The following DNMBP variants were observed in gnomAD, a reference collection of about 807,000 sequenced individuals.
The protein encoded by DNMBP is dynamin-binding protein.
DNMBP carries 87 observed loss-of-function variants against 150.0 expected under a neutral mutation model. The observed-to-expected ratio is 0.58, with a 90% CI of 0.49 to 0.69. The LOEUF (loss-of-function observed/expected upper bound fraction) is 0.69. DNMBP is among the 30% of genes least tolerant of loss of function. The pLI, the probability that DNMBP is intolerant of heterozygous loss-of-function variation, is 0.00. For missense variants in DNMBP, 1,774 were observed against 1,949.0 expected, an observed-to-expected ratio of 0.91 and a Z score of 1.69; for synonymous variants, 711 against 750.4, an observed-to-expected ratio of 0.95 and a Z score of 0.86.
At chr10:99,941,412 A>G (rs2040299306) in intron 4 of DNMBP, among the ~76,000 whole-genome samples, 1 of 152,088 alleles carries the variant, frequency 6.6e-6, no homozygotes, top group South Asian at 2.1e-4. Context: ...TGCAACTCTA[A>G]TCCTTCCAGT....
intron 1 of DNMBP, among the ~76,000 whole-genome samples, chr10:99,989,778 A>C (rs540615024): frequency 4.0e-5 from 6 of 151,890 alleles, no homozygotes; most frequent in Non-Finnish European, 7.4e-5. Flanking sequence ...TCTAGCTCAG[A>C]TCAGCTAAAC....
chr10:100,007,461 C>G (rs1389786963), intron 1 of DNMBP, among the ~76,000 whole-genome samples: 3 of 152,186 alleles, frequency 2.0e-5, no homozygotes, highest in Non-Finnish European at 4.4e-5. Flanking sequence ...TGCCCACCCT[C>G]TCAGCACACA....
chr10:99,989,384 C>G (rs116561044), intron 1 of DNMBP, among the ~76,000 whole-genome samples: 2 of 152,154 alleles, frequency 1.3e-5, no homozygotes, highest in African/African-American at 4.8e-5. Context: ...GCCCCTGGCT[C>G]TTTAGCCTGG....
intron 1 of DNMBP, among the ~76,000 whole-genome samples, chr10:99,986,446 A>G (rs867755159): frequency 4.3e-4 from 65 of 152,212 alleles, no homozygotes; most frequent in African/African-American, 1.5e-3. Flanking sequence ...ATTTGGTGGG[A>G]AATGTGCCAA....
chr10:99,955,295 A>C lies in DNMBP; in HGVS notation c.2179T>G (p.Ser727Ala). 6.2e-7 allele frequency: 1 copy of C among 1,614,050 alleles called. No homozygotes were observed. The highest frequency in any genetic ancestry group is 8.5e-7 in the Non-Finnish European group (1 of 1,179,994). The change falls in exon 4 of 17, where the codon TCA becomes GCA. Residue 727 changes from serine to alanine, a missense_variant. Physicochemically the swap from Ser to Ala is moderately conservative, Grantham distance 99. Around this residue, in one of 2 missense-constraint regions of DNMBP, gnomAD observed 1,430 missense variants for 1,492.5 expected, o/e 0.96. Coordinates refer to ENST00000324109, the MANE Select transcript of DNMBP (RefSeq NM_015221.4). ...LMLEEKQDESSRAETLEDLKF... is the reference protein window; with the variant it reads ...LMLEEKQDESARAETLEDLKF... ...AGATCCTCGAGGGTCTCTGCTCTTGATGATTCATCCTGCTTCTCCTCCAGC... is the reference window on the plus strand; with the variant it reads ...AGATCCTCGAGGGTCTCTGCTCTTGCTGATTCATCCTGCTTCTCCTCCAGC...
intron 11 of DNMBP, 51 bp downstream of exon 11, chr10:99,894,895 G>T: frequency 1.5e-6 from 2 of 1,363,930 alleles, no homozygotes; most frequent in Non-Finnish European, 2.1e-6. Flanking sequence ...ACAGGAAAGG[G>T]GACAGAATTA....
chr10:99,997,924 T>C, intron 1 of DNMBP, among the ~76,000 whole-genome samples: 1 of 41,168 alleles, frequency 2.4e-5, no homozygotes, highest in African/African-American at 1.3e-4. Flanking sequence ...TGAGACTCTG[T>C]CTCAAAAAAA....
chr10:99,941,594 T>G (rs2040301456), intron 4 of DNMBP, among the ~76,000 whole-genome samples: 2 of 151,826 alleles, frequency 1.3e-5, no homozygotes, highest in East Asian at 2.0e-4. Flanking sequence ...TCAGCCTCCC[T>G]AGTAGCTGGG....
At chr10:99,955,174 G>C in intron 4 of DNMBP, 40 bp downstream of exon 4, 2 of 1,554,038 alleles carry the variant, frequency 1.3e-6, no homozygotes, top group Non-Finnish European at 1.8e-6. Flanking sequence ...GGACTTGTGA[G>C]TGTCAAGAAA....
chr10:99,957,061 G>A lies in DNMBP; in HGVS notation c.413C>T (p.Ala138Val), dbSNP rs1362011307. Residue 138 changes from alanine to valine, a missense_variant, in exon 4 of 17, where the codon GCC (alanine) becomes GTC (valine). Around this residue, in one of 2 missense-constraint regions of DNMBP, gnomAD observed 344 missense variants for 456.6 expected, o/e 0.75. Transcript: ENST00000324109. ...SQSRQWHSQS[A>V]LFQIPEYSMG... ...GGAATATTCCGGAATCTGAAACAGGGCGCTCTGGGAGTGCCACTGCCGGCT... is the reference window on the plus strand; with the variant it reads ...GGAATATTCCGGAATCTGAAACAGGACGCTCTGGGAGTGCCACTGCCGGCT... The A allele has an allele frequency of 3.1e-6, 5 of 1,614,066 alleles. No individual in the cohort carries two copies. The South Asian group carries it at 4.4e-5, about 14-fold the overall frequency.
intron 11 of DNMBP, among the ~76,000 whole-genome samples, chr10:99,893,418 T>G (rs1177422684): frequency 6.6e-6 from 1 of 152,208 alleles, no homozygotes; most frequent in Admixed American, 6.5e-5. Context: ...TTGTCCACAG[T>G]GATATACTAC....
chr10:99,915,831 T>C (rs1328639572), intron 4 of DNMBP, among the ~76,000 whole-genome samples: 1 of 152,212 alleles, frequency 6.6e-6, no homozygotes, highest in Admixed American at 6.5e-5. Flanking sequence ...ATTTTACTGA[T>C]GAGGAAGGAA....
rs150834863 is a variant in DNMBP, at chr10:99,982,261, A to G, written c.-10-10127T>C. Among the ~76,000 whole-genome samples the G allele has an allele frequency of 8.5e-3, 1,286 of 152,076 alleles. 17 individuals carry two copies. Among genetic ancestry groups the G allele is most frequent in the Middle Eastern group, 0.044 (13 of 294 alleles). ...GGAGCTCGAGACCAGCCTGGGCAAC[A>G]TGGTGAAATCCTGTCTCTATAAAAA... is the stretch of plus-strand genomic sequence containing the variant. On this transcript the variant is annotated intron_variant, in intron 1 of 16. Transcript: ENST00000324109.
intron 4 of DNMBP, among the ~76,000 whole-genome samples, chr10:99,911,548 T>C (rs2039899747): frequency 6.6e-6 from 1 of 152,010 alleles, no homozygotes; most frequent in African/African-American, 2.4e-5. Context: ...ATATATGCAA[T>C]GTACTCTTAG....
Position 99,877,088 on chromosome 10 carries a change from C to CGG in DNMBP, c.*62_*63insCC. Reference sequence around the variant, plus strand: ...CAGGAGCAGGCGCCCTCTCGGTGGGCCGCCAGAACCCTCGGCGGACTGAAA... The same window carrying CGG: ...CAGGAGCAGGCGCCCTCTCGGTGGGCGGCGCCAGAACCCTCGGCGGACTGAAA... On this transcript the variant is annotated 3_prime_UTR_variant, in exon 17 of 17. Coordinates refer to ENST00000324109, the MANE Select transcript of DNMBP (RefSeq NM_015221.4). 7.0e-7 allele frequency: 1 copy of CGG among 1,422,754 alleles called. No individual in the cohort carries two copies. Among genetic ancestry groups the CGG allele is most frequent in the Non-Finnish European group, 9.4e-7 (1 of 1,068,526 alleles). 88.1% of individuals were successfully genotyped at this position (1,422,754 alleles called of 1,614,324 possible).
At chr10:99,921,508 C>G (rs2040022285) in intron 4 of DNMBP, among the ~76,000 whole-genome samples, 1 of 152,148 alleles carries the variant, frequency 6.6e-6, no homozygotes, top group Non-Finnish European at 1.5e-5. Flanking sequence ...CCTGTGTACT[C>G]TGTATGCACT....
rs182173552 is a variant in DNMBP, at chr10:99,958,390, C to T, written c.269-1185G>A. 9.2e-5 allele frequency: 14 copies of T among 152,298 alleles called. No homozygotes were observed. In the East Asian group the frequency reaches 9.6e-4, roughly 10 times the overall value. The allele number at this position is 152,298 out of a possible 1,614,324, so 9.4% of individuals were successfully genotyped here. ...GCACTTTTACTGCTGAGGAGAAGCA[C>T]GAGTAACTGAGTTATATGCCTGAAC... On this transcript the variant is annotated intron_variant, in intron 3 of 16. Transcript: ENST00000324109.
intron 6 of DNMBP, 74 bp from the exon 7 acceptor site, chr10:99,900,140 C>G: frequency 2.6e-6 from 4 of 1,527,934 alleles, no homozygotes; most frequent in Non-Finnish European, 3.6e-6. Flanking sequence ...AGGTACACAG[C>G]CAAACTTTAG....
At chr10:99,996,498 T>C (rs1371449728) in intron 1 of DNMBP, among the ~76,000 whole-genome samples, 1 of 152,128 alleles carries the variant, frequency 6.6e-6, no homozygotes, top group African/African-American at 2.4e-5. Context: ...CCAGCCTGAG[T>C]GACAAAGCGA....
Sources: gnomAD v4.1 joint callset for allele counts (sites outside exome capture counted in the v4.1 genomes callset) on GRCh38, gnomAD v4.1.1 for gene constraint, gnomAD v4.1.1 regional missense constraint, MANE v1.5 for transcripts, NCBI Gene and HGNC (gene_info 2026-07-23, HGNC 2026-07-21) for gene names.